Variants in GLUD1 observed in about 807,000 individuals in gnomAD.
GLUD1 encodes the protein glutamate dehydrogenase 1, mitochondrial.
A neutral mutation model predicts 56.0 loss-of-function variants in GLUD1; 22 were observed. That is an observed-to-expected ratio of 0.39 (90% CI 0.28 to 0.56). GLUD1 has a LOEUF of 0.56. GLUD1 is among the 20% of genes least tolerant of loss of function. The pLI is 0.58. For synonymous variants in GLUD1, 223 were observed against 269.9 expected, an observed-to-expected ratio of 0.83 and a Z score of 1.70; for missense variants, 451 against 732.0, an observed-to-expected ratio of 0.62 and a Z score of 4.43.
rs1370163897 is a variant in GLUD1 at position 87,094,625 on chromosome 10, C to A, written c.145G>T (p.Ala49Ser). Residue 49 changes from alanine (A) to serine (S), a missense_variant, in exon 1 of 13, where the codon GCC becomes TCC. By Grantham distance (99) the Ala-to-Ser change is moderately conservative. This residue lies in a region of GLUD1 where 158 missense variants were observed against 189.7 expected (regional missense o/e 0.83). Transcript: ENST00000277865. The surrounding 1 kb of genome is among the most constrained non-coding windows in gnomAD (Gnocchi z 6.6). Reference protein sequence around the residue: ...AAPQPGLALAARRHYSEAVAD... With the variant: ...AAPQPGLALASRRHYSEAVAD... ...ACCGCCTCGCTGTAGTGGCGCCGGG[C>A]GGCCAATGCCAGCCCCGGCTGCGGG... 1 of 1,609,154 alleles carries A rather than the reference C, an allele frequency of 6.2e-7. No individual in the cohort carries two copies. The highest frequency in any genetic ancestry group is 1.3e-5 in the African/African-American group (1 of 74,710).
At position 87,094,787 on chromosome 10, in the gene GLUD1, A is replaced by G. The variant is rs1214783128; in HGVS notation, c.-18T>C. The G allele has an allele frequency of 2.0e-6, 3 of 1,525,226 alleles. No homozygotes were observed. Among genetic ancestry groups the G allele is most frequent in the Non-Finnish European group, 2.7e-6 (3 of 1,131,000 alleles). 94.5% of individuals were successfully genotyped at this position (1,525,226 alleles called of 1,614,324 possible). On this transcript the variant is annotated 5_prime_UTR_variant, in exon 1 of 13. Transcript: ENST00000277865. This position sits in a 1 kb window ranked among gnomAD's most constrained non-coding sequence, Gnocchi z 6.6. ...CGGTACATGGCCACAAGCGGAGGGG[A>G]GGTGCGTGATGGTCGCGAAACAGGC... is the stretch of plus-strand genomic sequence containing the variant.
chr10:87,078,762 G>C (rs1841123918), intron 1 of GLUD1, among the ~76,000 whole-genome samples: 1 of 152,298 alleles, frequency 6.6e-6, no homozygotes, highest in Middle Eastern at 3.4e-3. Context: ...GGAGATGATG[G>C]TCAAAGGGTA....
At position 87,059,147 on chromosome 10, in the gene GLUD1, C is replaced by A. The variant is rs1489892664; in HGVS notation, c.1402+3G>T. The stretch of plus-strand genomic sequence containing the variant: ...TTTGGCGAACAAGATTATCGATACT[C>A]ACTGAGCAAGTGGTAGTTAGAATCC... On this transcript the variant is annotated splice_donor_region_variant and intron_variant, in intron 10 of 12. Transcript: ENST00000277865. 1.9e-6 allele frequency: 3 copies of A among 1,612,472 alleles called. No homozygotes were observed. Among genetic ancestry groups the A allele is most frequent in the Non-Finnish European group, 2.5e-6 (3 of 1,179,990 alleles).
chr10:87,057,004 C>T lies in GLUD1; in HGVS notation c.1494+687G>A, dbSNP rs967532320. 1.3e-4 allele frequency among the ~76,000 whole-genome samples: 19 copies of T among 145,994 alleles called. No homozygotes were observed. The East Asian group carries it at 4.0e-3, about 31-fold the overall frequency. Reference sequence around the variant, plus strand: ...TTTGGCGGGGGGAGGGGGGTGGCGGCGGCGGGAACGGAGTATCTCTCTGTT... The same window carrying T: ...TTTGGCGGGGGGAGGGGGGTGGCGGTGGCGGGAACGGAGTATCTCTCTGTT... On this transcript the variant is annotated intron_variant, in intron 11 of 12. Transcript: ENST00000277865.
chr10:87,086,894 G>A (rs1317111484), intron 1 of GLUD1, among the ~76,000 whole-genome samples: 1 of 151,664 alleles, frequency 6.6e-6, no homozygotes, highest in Non-Finnish European at 1.5e-5. Flanking sequence ...CACCAAATGT[G>A]TGGGTTTTCC....
intron 5 of GLUD1, among the ~76,000 whole-genome samples, chr10:87,065,377 G>A (rs1002283671): frequency 6.6e-6 from 1 of 151,758 alleles, no homozygotes; most frequent in Admixed American, 6.6e-5. Flanking sequence ...AAAGTGCTGG[G>A]ATTACAGGCG....
At chr10:87,093,589 A>G (rs2133869364) in intron 1 of GLUD1, among the ~76,000 whole-genome samples, 1 of 152,324 alleles carries the variant, frequency 6.6e-6, no homozygotes, top group African/African-American at 2.4e-5. Flanking sequence ...ACACACCCCC[A>G]GAGCTATTTC....
At chr10:87,066,628 G>A (rs947193334) in intron 5 of GLUD1, among the ~76,000 whole-genome samples, 3 of 152,148 alleles carry the variant, frequency 2.0e-5, no homozygotes, top group Admixed American at 6.5e-5. Flanking sequence ...AGACCAGAAG[G>A]TTTTATCTCC....
chr10:87,071,843 G>GT (rs1846246893), intron 4 of GLUD1, among the ~76,000 whole-genome samples: 1 of 152,204 alleles, frequency 6.6e-6, no homozygotes, highest in Admixed American at 6.5e-5. Context: ...ATTAAAAGGA[G>GT]TAAAATATTT....
chr10:87,071,225 T>C (rs946317807), intron 4 of GLUD1, among the ~76,000 whole-genome samples: 2 of 152,016 alleles, frequency 1.3e-5, no homozygotes, highest in African/African-American at 2.4e-5. Context: ...GGAGTTACAC[T>C]CTTGCTGCCC....
At chr10:87,070,338 C>T (rs537125217) in intron 4 of GLUD1, among the ~76,000 whole-genome samples, 25 of 151,702 alleles carry the variant, frequency 1.6e-4, no homozygotes, top group African/African-American at 5.8e-4. Context: ...CGGTGGCTCA[C>T]GCCTGTAATC....
chr10:87,084,388 G>A lies in GLUD1; in HGVS notation c.446-7732C>T, dbSNP rs148129078. ...ATTCCTTAGTATGCTCAAGTCTAAT[G>A]AGCAGTACATGCTAAGTTTCTCTAG... On this transcript the variant is annotated intron_variant, in intron 1 of 12. Coordinates refer to ENST00000277865, the MANE Select transcript of GLUD1 (RefSeq NM_005271.5). 2.4e-3 allele frequency among the ~76,000 whole-genome samples: 365 copies of A among 152,310 alleles called. 3 individuals are homozygous for A. The highest frequency in any genetic ancestry group is 4.0e-3 in the Non-Finnish European group (269 of 68,028).
intron 12 of GLUD1, 39 bp from the exon 13 acceptor site, chr10:87,051,909 C>T (rs754886636): frequency 5.0e-6 from 8 of 1,613,410 alleles, no homozygotes; most frequent in Middle Eastern, 3.3e-4. Flanking sequence ...ATGATCCTGA[C>T]TCAAGTGGCC....
At chr10:87,073,548 T>C (rs1846297457) in intron 4 of GLUD1, among the ~76,000 whole-genome samples, 1 of 152,126 alleles carries the variant, frequency 6.6e-6, no homozygotes, top group Non-Finnish European at 1.5e-5. Context: ...TAGACCTTAT[T>C]TTGTTTAACT....
At chr10:87,053,635 C>T (rs940782539) in intron 11 of GLUD1, among the ~76,000 whole-genome samples, 9 of 152,108 alleles carry the variant, frequency 5.9e-5, no homozygotes, top group African/African-American at 2.2e-4. Flanking sequence ...CAAACAAATA[C>T]TCATGAAATA....
At chr10:87,058,317 T>C (rs958646516) in intron 10 of GLUD1, among the ~76,000 whole-genome samples, 7 of 152,214 alleles carry the variant, frequency 4.6e-5, no homozygotes, top group Admixed American at 4.6e-4. Flanking sequence ...TCCTTGGCTC[T>C]ATTAAAAAGA....
intron 5 of GLUD1, among the ~76,000 whole-genome samples, chr10:87,063,065 TTTTGTTTG>T (rs1554906589): frequency 6.9e-6 from 1 of 145,596 alleles, no homozygotes; most frequent in African/African-American, 2.6e-5. Flanking sequence ...CTGTTTTTTT[TTTTGTTTG>T]TTTGTTTGTT....
At chr10:87,076,893 G>C (rs905877405) in intron 1 of GLUD1, among the ~76,000 whole-genome samples, 8 of 152,052 alleles carry the variant, frequency 5.3e-5, no homozygotes, top group Non-Finnish European at 8.8e-5. Flanking sequence ...GATTTCACAA[G>C]ACAAAAATCA....
chr10:87,076,034 AG>A lies in GLUD1; in HGVS notation c.527-12del, dbSNP rs1308154357. The A allele has an allele frequency of 6.3e-7, 1 of 1,587,588 alleles. No individual in the cohort carries two copies. Among genetic ancestry groups the A allele is most frequent in the Non-Finnish European group, 8.6e-7 (1 of 1,163,400 alleles). ...CCCCAAACGGCACATCTGAAAGAGA[AG>A]GCTGATGGTTGCTATTCCATATAAA... On this transcript the variant is annotated splice_polypyrimidine_tract_variant and intron_variant, in intron 2 of 12. Transcript: ENST00000277865.
Sources: allele counts gnomAD v4.1 joint callset (sites outside exome capture counted in the v4.1 genomes callset), GRCh38; gene constraint gnomAD v4.1.1; regional missense constraint gnomAD v4.1.1; non-coding constraint Gnocchi (gnomAD v3.1); transcripts MANE v1.5; gene names NCBI Gene and HGNC (gene_info 2026-07-23, HGNC 2026-07-21).